The following CCDC170 variants were observed in gnomAD, a reference collection of about 807,000 sequenced individuals.
The protein encoded by CCDC170 is coiled-coil domain containing 170.
Under a neutral mutation model 72.6 loss-of-function variants are expected in CCDC170, and 69 were observed. The observed-to-expected ratio is 0.95, with a 90% CI of 0.78 to 1.16. The LOEUF (loss-of-function observed/expected upper bound fraction) is 1.16. CCDC170 is among the 50% of genes most tolerant of loss of function. The pLI is 0.00. For synonymous variants in CCDC170, 300 were observed against 303.9 expected (o/e 0.99, Z 0.13); for missense variants, 852 against 832.5 (o/e 1.02, Z -0.29).
chr6:151,578,258 G>A (rs1263380576), intron 6 of CCDC170, among the ~76,000 whole-genome samples: 3 of 152,154 alleles, frequency 2.0e-5, no homozygotes, highest in Non-Finnish European at 4.4e-5. Flanking sequence ...GCAACTGGGC[G>A]GCTTAAATAA....
At chr6:151,616,063 G>T (rs373196458) in intron 10 of CCDC170, among the ~76,000 whole-genome samples, 2 of 152,074 alleles carry the variant, frequency 1.3e-5, no homozygotes, top group Non-Finnish European at 1.5e-5. Flanking sequence ...TTCAAGCAGC[G>T]GAAGGGTTTT....
intron 9 of CCDC170, among the ~76,000 whole-genome samples, chr6:151,597,244 G>A (rs1304384792): frequency 6.6e-6 from 1 of 152,190 alleles, no homozygotes; most frequent in African/African-American, 2.4e-5. Context: ...TCCTGCTTCA[G>A]CCTCCCAAGT....
chr6:151,540,340 T>TTCCTCC (rs201168694), intron 3 of CCDC170, among the ~76,000 whole-genome samples: 3 of 137,312 alleles, frequency 2.2e-5, no homozygotes, highest in Admixed American at 1.5e-4. Context: ...TTCCTTCCTC[T>TTCCTCC]TCCTCCTCCT....
rs9383589 is a variant in CCDC170 at position 151,619,125 on chromosome 6, A to G, written c.*978A>G. 0.07 allele frequency: 10,619 copies of G among 152,188 alleles called. 569 individuals carry two copies. The highest frequency in any genetic ancestry group is 0.3 in the East Asian group (1,570 of 5,178). The allele number at this position is 152,188 out of a possible 1,614,324, so 9.4% of individuals were successfully genotyped here. A position where few individuals can be genotyped will look rare whatever the true frequency, so the allele number is the denominator to read the frequency against. On this transcript the variant is annotated 3_prime_UTR_variant, in exon 11 of 11. Coordinates refer to ENST00000239374, the MANE Select transcript of CCDC170 (RefSeq NM_025059.4). ...CCTAATTCATTTGGATCAAACTTAC[A>G]TAGGTCTCAGGTCCTGTAAGAAACT...
At chr6:151,508,404 G>A (rs943432245) in intron 1 of CCDC170, among the ~76,000 whole-genome samples, 1 of 152,064 alleles carries the variant, frequency 6.6e-6, no homozygotes, top group African/African-American at 2.4e-5. Context: ...AGGCATAGTG[G>A]GGGGGCGCCT....
intron 5 of CCDC170, among the ~76,000 whole-genome samples, chr6:151,566,052 T>C (rs1385356358): frequency 6.6e-6 from 1 of 152,218 alleles, no homozygotes; most frequent in Non-Finnish European, 1.5e-5. Context: ...CACTGGCCTC[T>C]TGGGCAGCTA....
At chr6:151,501,787 G>C (rs1197256955) in intron 1 of CCDC170, among the ~76,000 whole-genome samples, 1 of 152,122 alleles carries the variant, frequency 6.6e-6, no homozygotes, top group Non-Finnish European at 1.5e-5. Context: ...GTTTGTACTT[G>C]AATTGAGTTG....
intron 7 of CCDC170, 65 bp downstream of exon 7, chr6:151,586,154 A>G (rs1226352883): frequency 1.3e-6 from 2 of 1,511,966 alleles, no homozygotes; most frequent in South Asian, 1.2e-5. Context: ...TTACCTGAAA[A>G]TATCCTGAAT....
At chr6:151,604,100 C>T (rs1038568112) in intron 9 of CCDC170, among the ~76,000 whole-genome samples, 3 of 152,180 alleles carry the variant, frequency 2.0e-5, no homozygotes, top group African/African-American at 7.2e-5. Context: ...TCATTGCACT[C>T]TTTCAAGGAA....
intron 3 of CCDC170, among the ~76,000 whole-genome samples, chr6:151,539,410 T>A (rs1782646393): frequency 6.6e-6 from 1 of 152,228 alleles, no homozygotes; most frequent in South Asian, 2.1e-4. Flanking sequence ...ATCAGTAGCA[T>A]CAGTTACAGT....
At chr6:151,588,341 AAAAC>A (rs1776485687) in intron 7 of CCDC170, among the ~76,000 whole-genome samples, 1 of 152,158 alleles carries the variant, frequency 6.6e-6, no homozygotes, top group Non-Finnish European at 1.5e-5. Context: ...ACACACACAC[AAAAC>A]AAACAAAAAA....
rs529424033 is a variant in CCDC170 at position 151,607,042 on chromosome 6, A to T, written c.1711-8401A>T. 1.2e-3 allele frequency among the ~76,000 whole-genome samples: 183 copies of T among 152,072 alleles called. No individual in the cohort carries two copies. The Middle Eastern group carries it at 0.014, about 11-fold the overall frequency. On this transcript the variant is annotated intron_variant, in intron 9 of 10. Transcript: ENST00000239374. ...ATAGGCAGCATATAGTTGAGTTTTT[A>T]AAAAAAATCCATTTAGCCACTAATT...
At chr6:151,557,807 A>C (rs115442278) in intron 5 of CCDC170, among the ~76,000 whole-genome samples, 1 of 152,138 alleles carries the variant, frequency 6.6e-6, no homozygotes, top group Non-Finnish European at 1.5e-5. Flanking sequence ...ATGATCAGTG[A>C]TGTTGAGCAT....
In CCDC170 at chr6:151,585,878, T is replaced by A; in HGVS notation, c.1093-11T>A. On this transcript the variant is annotated splice_polypyrimidine_tract_variant and intron_variant, in intron 6 of 10. Coordinates refer to ENST00000239374, the MANE Select transcript of CCDC170 (RefSeq NM_025059.4). ...ACAAGGCTTATTCTTGATCTGTTTC[T>A]TTGTTTCCAGATGGTCTCCCAGCTT... 1 of 1,611,978 alleles carries A rather than the reference T, an allele frequency of 6.2e-7. No homozygotes were observed. The highest frequency in any genetic ancestry group is 1.7e-4 in the Middle Eastern group (1 of 5,952).
At chr6:151,594,876 C>A (rs754009108) in intron 8 of CCDC170, among the ~76,000 whole-genome samples, 6 of 152,238 alleles carry the variant, frequency 3.9e-5, no homozygotes, top group Non-Finnish European at 7.4e-5. Flanking sequence ...GTCTTGAACT[C>A]CTGACCTCAG....
chr6:151,494,410 G>A (rs1016802198), intron 1 of CCDC170, among the ~76,000 whole-genome samples: 28 of 152,298 alleles, frequency 1.8e-4, no homozygotes, highest in African/African-American at 6.7e-4. Flanking sequence ...TTTAGGTTGT[G>A]CCACTCTGCT....
At position 151,538,157 on chromosome 6, in the gene CCDC170, C is replaced by G. The variant is rs758861569; in HGVS notation, c.299C>G (p.Ser100Cys). ...GCCAGAAAATCATCTCTCCTTACCT[C>G]TTTGAGAGACAGAGTTCAGGAACTA... ...NNARKSSLLT[S>C]LRDRVQELEE... is the part of the protein sequence containing the mutation. Residue 100 changes from serine (S) to cysteine (C), a missense_variant, in exon 3 of 11, where the codon TCT (serine) becomes TGT (cysteine). Transcript: ENST00000239374. 1.2e-5 allele frequency: 19 copies of G among 1,613,890 alleles called. No individual in the cohort carries two copies. The highest frequency in any genetic ancestry group is 3.4e-6 in the Non-Finnish European group (4 of 1,179,962).
chr6:151,537,793 A>G (rs987722584), intron 2 of CCDC170, among the ~76,000 whole-genome samples: 5 of 152,228 alleles, frequency 3.3e-5, no homozygotes, highest in African/African-American at 1.2e-4. Context: ...AACATCATAA[A>G]TGTCTCCTGA....
At chr6:151,519,225 G>A (rs1182830171) in intron 1 of CCDC170, among the ~76,000 whole-genome samples, 2 of 152,164 alleles carry the variant, frequency 1.3e-5, no homozygotes, top group East Asian at 3.9e-4. Context: ...GACCTCCCCC[G>A]AGGAATGCAT....
Sources: gnomAD v4.1 joint callset for allele counts (sites outside exome capture counted in the v4.1 genomes callset) on GRCh38, gnomAD v4.1.1 for gene constraint, MANE v1.5 for transcripts, NCBI Gene and HGNC (gene_info 2026-07-23, HGNC 2026-07-21) for gene names.